The following MPPED2 variants were observed in gnomAD, a reference collection of about 807,000 sequenced individuals.
MPPED2 encodes the protein metallophosphoesterase domain containing 2.
MPPED2 carries 5 observed loss-of-function variants against 33.0 expected under a neutral mutation model. The observed-to-expected ratio is 0.15, with a 90% CI of 0.08 to 0.32. MPPED2 has a LOEUF of 0.32. Among genes scored for constraint, MPPED2 ranks in the 10% least tolerant of loss-of-function variants. The pLI is 1.00. For missense variants in MPPED2, 275 were observed against 372.1 expected (o/e 0.74, Z 2.15); for synonymous variants, 136 against 141.9 (o/e 0.96, Z 0.29).
At chr11:30,581,104 T>TAAGGC (rs898464900) in intron 1 of MPPED2, among the ~76,000 whole-genome samples, 4 of 152,308 alleles carry the variant, frequency 2.6e-5, no homozygotes, top group Non-Finnish European at 4.4e-5. Context: ...AACCTTATGG[T>TAAGGC]AAGGCAAATC....
intron 2 of MPPED2, among the ~76,000 whole-genome samples, chr11:30,570,020 C>G (rs1342052154): frequency 6.6e-6 from 1 of 152,104 alleles, no homozygotes; most frequent in Non-Finnish European, 1.5e-5. Flanking sequence ...ACAAATACGC[C>G]CATTTCTCCT....
chr11:30,471,636 T>C (rs964371159), intron 4 of MPPED2, among the ~76,000 whole-genome samples: 1 of 152,222 alleles, frequency 6.6e-6, no homozygotes, highest in African/African-American at 2.4e-5. Flanking sequence ...TCTACTTCTC[T>C]CTCTCTTTTA....
At chr11:30,435,413 G>A (rs1458765229) in intron 4 of MPPED2, among the ~76,000 whole-genome samples, 1 of 152,152 alleles carries the variant, frequency 6.6e-6, no homozygotes, top group Non-Finnish European at 1.5e-5. Flanking sequence ...GTTTTTACTG[G>A]CTTTCCCTGA....
chr11:30,459,531 A>G (rs1310561119), intron 4 of MPPED2, among the ~76,000 whole-genome samples: 3 of 152,356 alleles, frequency 2.0e-5, no homozygotes, highest in South Asian at 2.1e-4. Flanking sequence ...AGACTTCACA[A>G]GATGAAAGCC....
chr11:30,517,997 A>C (rs1953630305), intron 3 of MPPED2, among the ~76,000 whole-genome samples: 1 of 151,262 alleles, frequency 6.6e-6, no homozygotes, highest in Non-Finnish European at 1.5e-5. Context: ...CAACAAATTC[A>C]CACTATTACT....
intron 2 of MPPED2, among the ~76,000 whole-genome samples, chr11:30,552,062 C>T (rs527783281): frequency 2.0e-5 from 3 of 152,262 alleles, no homozygotes; most frequent in East Asian, 3.9e-4. Flanking sequence ...ATAAAGCATC[C>T]TACACCCTAA....
intron 4 of MPPED2, among the ~76,000 whole-genome samples, chr11:30,440,675 C>G (rs1949531431): frequency 6.6e-6 from 1 of 152,172 alleles, no homozygotes; most frequent in Admixed American, 6.5e-5. Context: ...CCATCTGACT[C>G]CAAGCCCAGT....
At chr11:30,394,059 A>T (rs1285429194) in intron 6 of MPPED2, among the ~76,000 whole-genome samples, 1 of 152,218 alleles carries the variant, frequency 6.6e-6, no homozygotes, top group African/African-American at 2.4e-5. Context: ...TTCACTCAGC[A>T]TAATGTCTTT....
At chr11:30,467,870 AG>A (rs1279928090) in intron 4 of MPPED2, among the ~76,000 whole-genome samples, 1 of 151,972 alleles carries the variant, frequency 6.6e-6, no homozygotes, top group Non-Finnish European at 1.5e-5. Flanking sequence ...TGGGGGTAGG[AG>A]GGGGCTGGTT....
At chr11:30,429,653 G>A (rs1948993632) in intron 4 of MPPED2, among the ~76,000 whole-genome samples, 1 of 152,148 alleles carries the variant, frequency 6.6e-6, no homozygotes, top group South Asian at 2.1e-4. Flanking sequence ...GCTCTGGGGA[G>A]ATCTAAATGC....
chr11:30,417,678 G>A (rs756763723), intron 4 of MPPED2, 45 bp from the exon 5 acceptor site: 41 of 1,096,386 alleles, frequency 3.7e-5, no homozygotes, highest in Non-Finnish European at 5.2e-5. Flanking sequence ...GCAGAGCCAC[G>A]GCTCCGCTCT....
intron 3 of MPPED2, among the ~76,000 whole-genome samples, chr11:30,526,108 A>G (rs1007226724): frequency 6.6e-6 from 1 of 152,224 alleles, no homozygotes; most frequent in African/African-American, 2.4e-5. Flanking sequence ...ACCATGAAGT[A>G]ATTCATATAG....
chr11:30,414,117 G>A (rs756268426), intron 6 of MPPED2, 111 bp downstream of exon 6: 4 of 686,040 alleles, frequency 5.8e-6, no homozygotes, highest in Non-Finnish European at 1.1e-5. Flanking sequence ...TCTTATAAAA[G>A]GGTCCCGCTG....
chr11:30,386,463 G>A (rs2133689580), exon 7 of MPPED2: 1 of 318,386 alleles, frequency 3.1e-6, no homozygotes, highest in South Asian at 1.6e-4. Context: ...GCTTGAGAGG[G>A]TATAAGCTGT....
At chr11:30,453,589 T>A (rs1192321921) in intron 4 of MPPED2, among the ~76,000 whole-genome samples, 1 of 152,212 alleles carries the variant, frequency 6.6e-6, no homozygotes, top group Non-Finnish European at 1.5e-5. Context: ...TCTGAATTCA[T>A]TTCCTTAGAC....
exon 7 of MPPED2, chr11:30,388,325 G>A (rs968860675): frequency 5.2e-5 from 8 of 152,390 alleles, no homozygotes; most frequent in Non-Finnish European, 1.0e-4. Context: ...ACAATTCAGG[G>A]GCAGGTGCAC....
At chr11:30,463,565 G>A in intron 4 of MPPED2, among the ~76,000 whole-genome samples, 1 of 152,206 alleles carries the variant, frequency 6.6e-6, no homozygotes, top group East Asian at 1.9e-4. Flanking sequence ...GCTTAGTTCT[G>A]CGAAGTGGCT....
At chr11:30,516,420 G>A (rs963873267) in intron 3 of MPPED2, among the ~76,000 whole-genome samples, 3 of 152,070 alleles carry the variant, frequency 2.0e-5, no homozygotes, top group African/African-American at 4.8e-5. Context: ...GCTAAAGGAC[G>A]TAGCATTTCC....
chr11:30,561,518 C>G (rs1363803561), intron 2 of MPPED2, among the ~76,000 whole-genome samples: 2 of 152,184 alleles, frequency 1.3e-5, no homozygotes, highest in Non-Finnish European at 2.9e-5. Context: ...ACAGGTAATA[C>G]TGGCTCAATG....
Sources: gnomAD v4.1 joint callset for allele counts (sites outside exome capture counted in the v4.1 genomes callset) on GRCh38, gnomAD v4.1.1 for gene constraint, MANE v1.5 for transcripts, NCBI Gene and HGNC (gene_info 2026-07-23, HGNC 2026-07-21) for gene names.